EIF2AK1: variants seen among roughly 807,000 people sequenced by gnomAD.
The protein encoded by EIF2AK1 is eukaryotic translation initiation factor 2 alpha kinase 1.
A neutral mutation model predicts 77.9 loss-of-function variants in EIF2AK1; 54 were observed. The observed-to-expected ratio is 0.69, with a 90% confidence interval of 0.56 to 0.87. The LOEUF (loss-of-function observed/expected upper bound fraction) is 0.87. Among genes scored for constraint, EIF2AK1 ranks in the 40% least tolerant of loss-of-function variants. EIF2AK1 has a pLI of 0.00. For synonymous variants in EIF2AK1, 314 were observed against 290.5 expected, an observed-to-expected ratio of 1.08 and a Z score of -0.82; for missense variants, 810 against 768.6, an observed-to-expected ratio of 1.05 and a Z score of -0.64.
chr7:6,050,381 G>C (rs549565081), intron 2 of EIF2AK1, among the ~76,000 whole-genome samples: 51 of 152,096 alleles, frequency 3.4e-4, no homozygotes, highest in South Asian at 4.2e-4. Flanking sequence ...TTTTAGTAAA[G>C]ACGGGGTTTC....
chr7:6,023,861 CA>C lies in EIF2AK1; in HGVS notation c.*811del, dbSNP rs1322815414. 5 of 1,542,306 alleles carry C rather than the reference CA, an allele frequency of 3.2e-6. No homozygotes were observed. Among genetic ancestry groups the C allele is most frequent in the Non-Finnish European group, 4.4e-6 (5 of 1,143,528 alleles). Reference sequence around the variant, plus strand: ...GGTTTTCATTTTATTTAAAATTCAGCAAAATCATACGCCATCTACCGTGATG... The same window carrying C: ...GGTTTTCATTTTATTTAAAATTCAGCAAATCATACGCCATCTACCGTGATG... On this transcript the variant is annotated 3_prime_UTR_variant, in exon 15 of 15. Coordinates refer to ENST00000199389, the MANE Select transcript of EIF2AK1 (RefSeq NM_014413.4).
At chr7:6,031,697 T>A in intron 11 of EIF2AK1, 4 of 1,079,738 alleles carry the variant, frequency 3.7e-6, no homozygotes, top group South Asian at 3.0e-5. Flanking sequence ...CTTATGAGAA[T>A]GAGACACGAC....
intron 9 of EIF2AK1, 59 bp downstream of exon 9, chr7:6,040,833 A>G: frequency 7.2e-7 from 1 of 1,392,342 alleles, no homozygotes. Flanking sequence ...AGAGAAGGCC[A>G]CACACCTGCA....
chr7:6,023,563 G>C lies in EIF2AK1; in HGVS notation c.*1110C>G. ...TGGGAATGAACTCACCGTAGCAGAC[G>C]TGGTGCTGTGGTCTGTACTCCAGCA... On this transcript the variant is annotated 3_prime_UTR_variant, in exon 15 of 15. Coordinates refer to ENST00000199389, the MANE Select transcript of EIF2AK1 (RefSeq NM_014413.4). 1 of 1,614,238 alleles carries C rather than the reference G, an allele frequency of 6.2e-7. No homozygotes were observed. The highest frequency in any genetic ancestry group is 1.1e-5 in the South Asian group (1 of 91,090).
At position 6,038,627 on chromosome 7, in the gene EIF2AK1, C is replaced by G; in HGVS notation, c.1164G>C (p.Glu388Asp). Reference sequence around the variant, plus strand: ...CGACTATCCAATCCCACAGCGAGAGCTCACACAGCTGCATCTGGATGTGCA... The same window carrying G: ...CGACTATCCAATCCCACAGCGAGAGGTCACACAGCTGCATCTGGATGTGCA... ...LMLHIQMQLC[E>D]LSLWDWIVER... The change falls in exon 10 of 15, where the codon GAG (glutamate) becomes GAC (aspartate). Residue 388 changes from glutamate (E) to aspartate (D), a missense_variant. Physicochemically the swap from Glu to Asp is conservative, Grantham distance 45. Transcript: ENST00000199389. The G allele has an allele frequency of 1.2e-6, 2 of 1,613,394 alleles. No homozygotes were observed. The highest frequency in any genetic ancestry group is 1.7e-6 in the Non-Finnish European group (2 of 1,179,648).
chr7:6,038,983 C>T (rs567630250), intron 9 of EIF2AK1, among the ~76,000 whole-genome samples: 18 of 152,096 alleles, frequency 1.2e-4, no homozygotes, highest in South Asian at 8.3e-4. Flanking sequence ...AACTGTGACC[C>T]GGAGAAACTG....
chr7:6,029,095 A>C, intron 11 of EIF2AK1, 63 bp from the exon 12 acceptor site: 2 of 1,351,764 alleles, frequency 1.5e-6, no homozygotes, highest in Non-Finnish European at 2.1e-6. Flanking sequence ...ATATCTTGTA[A>C]ATGTTTTTAA....
Position 6,032,904 on chromosome 7 carries a change from C to T in EIF2AK1, c.1333-3872G>A, listed in dbSNP as rs1787958068. The T allele has an allele frequency of 6.4e-7, 1 of 1,550,954 alleles. No individual in the cohort carries two copies. Among genetic ancestry groups the T allele is most frequent in the South Asian group, 1.2e-5 (1 of 84,046 alleles). On this transcript the variant is annotated intron_variant, in intron 11 of 14. Coordinates refer to ENST00000199389, the MANE Select transcript of EIF2AK1 (RefSeq NM_014413.4). This position sits in a 1 kb window ranked among gnomAD's most constrained non-coding sequence, Gnocchi z 4.3. ...ACCACAAGGCCCAGAGTCTGCTCTG[C>T]CTGTTACGGCACGGTGCTGACCCAG...
chr7:6,037,279 G>A (rs1788135722), intron 11 of EIF2AK1, 145 bp downstream of exon 11: 21 of 616,270 alleles, frequency 3.4e-5, no homozygotes, highest in Admixed American at 5.2e-5. Flanking sequence ...TGGATCTATC[G>A]AACAATGACT....
intron 14 of EIF2AK1, 194 bp downstream of exon 14, chr7:6,026,531 AAGG>A: frequency 1.4e-6 from 1 of 704,086 alleles, no homozygotes; most frequent in South Asian, 1.5e-5. Context: ...CTGCTACCCC[AAGG>A]GGAGTGAGTC....
intron 1 of EIF2AK1, 42 bp from the exon 2 acceptor site, chr7:6,054,746 C>G: frequency 6.4e-7 from 1 of 1,552,658 alleles, no homozygotes. Flanking sequence ...TAATGGTAAA[C>G]CTGTCTCATA....
Position 6,033,988 on chromosome 7 carries a change from A to T in EIF2AK1, c.1332+3436T>A, listed in dbSNP as rs1787990621. On this transcript the variant is annotated intron_variant, in intron 11 of 14. Coordinates refer to ENST00000199389, the MANE Select transcript of EIF2AK1 (RefSeq NM_014413.4). This position sits in a 1 kb window ranked among gnomAD's most constrained non-coding sequence, Gnocchi z 4.4. The stretch of plus-strand genomic sequence containing the variant: ...ACCAAATCAATGCCTGACACTTAGC[A>T]CGTGCTCAGTAATACTATCCGAGTG... Among the ~76,000 whole-genome samples, 1 of 151,838 alleles carries T rather than the reference A, an allele frequency of 6.6e-6. No homozygotes were observed. Among genetic ancestry groups the T allele is most frequent in the African/African-American group, 2.4e-5 (1 of 41,306 alleles).
rs61731536 is a variant in EIF2AK1, at chr7:6,059,132, T to G, written c.-49A>C. 9 of 1,218,264 alleles carry G rather than the reference T, an allele frequency of 7.4e-6. No homozygotes were observed. In the African/African-American group the frequency reaches 1.3e-4, roughly 17 times the overall value. The allele number at this position is 1,218,264 out of a possible 1,614,324, so 75.5% of individuals were successfully genotyped here. A position where few individuals can be genotyped will look rare whatever the true frequency, so the allele number is the denominator to read the frequency against. On this transcript the variant is annotated 5_prime_UTR_variant, in exon 1 of 15. Transcript: ENST00000199389. ...CCCAGCCCGCCGGCCAGCCCAGCAC[T>G]GCCACACTCCGATGCTGCAGCTAGC...
At chr7:6,029,187 T>C (rs1186799740) in intron 11 of EIF2AK1, among the ~76,000 whole-genome samples, 155 bp from the exon 12 acceptor site, 1 of 152,180 alleles carries the variant, frequency 6.6e-6, no homozygotes, top group Non-Finnish European at 1.5e-5. Context: ...CACATCAGAA[T>C]CATCCAGGAG....
At chr7:6,058,089 CG>C (rs1788840152) in intron 1 of EIF2AK1, 3 of 455,218 alleles carry the variant, frequency 6.6e-6, no homozygotes. Flanking sequence ...TTAGCTACCC[CG>C]TATCTCCTAG....
At chr7:6,055,897 C>A (rs1225568474) in intron 1 of EIF2AK1, among the ~76,000 whole-genome samples, 1 of 148,644 alleles carries the variant, frequency 6.7e-6, no homozygotes, top group Non-Finnish European at 1.5e-5. Context: ...GCAGGAGAAT[C>A]CCTTAAACCC....
intron 5 of EIF2AK1, 162 bp downstream of exon 5, chr7:6,046,830 A>C (rs1788457391): frequency 1.8e-6 from 1 of 555,734 alleles, no homozygotes; most frequent in Non-Finnish European, 3.1e-6. Flanking sequence ...TGAACCAGGG[A>C]GTCAGAGGTT....
chr7:6,055,407 C>CTTT (rs1403065092), intron 1 of EIF2AK1, among the ~76,000 whole-genome samples: 15 of 142,276 alleles, frequency 1.1e-4, no homozygotes, highest in African/African-American at 3.9e-4. Context: ...AAAATGGAAA[C>CTTT]TTTTCTCGAT....
At chr7:6,026,052 G>A (rs193286983) in intron 14 of EIF2AK1, among the ~76,000 whole-genome samples, 1 of 151,712 alleles carries the variant, frequency 6.6e-6, no homozygotes, top group East Asian at 1.9e-4. Context: ...GGACCCCCAC[G>A]CCAGGCCACC....
Sources: allele counts gnomAD v4.1 joint callset (sites outside exome capture counted in the v4.1 genomes callset), GRCh38; gene constraint gnomAD v4.1.1; non-coding constraint Gnocchi (gnomAD v3.1); transcripts MANE v1.5; gene names NCBI Gene and HGNC (gene_info 2026-07-23, HGNC 2026-07-21).